Variants in RHOU observed in about 807,000 individuals in gnomAD.
RHOU encodes the protein ras homolog family member U, also known as rho-related GTP-binding protein RhoU.
Under a neutral mutation model 12.6 loss-of-function variants are expected in RHOU, and 8 were observed. The observed-to-expected ratio is 0.64, with a 90% confidence interval of 0.37 to 1.15. The LOEUF is 1.15. Among genes scored for constraint, RHOU ranks in the 50% most tolerant of loss-of-function variants. The pLI, the probability that RHOU is intolerant of heterozygous loss-of-function variation, is 0.01. For missense variants in RHOU, 258 were observed against 347.0 expected, an observed-to-expected ratio of 0.74 and a Z score of 2.04; for synonymous variants, 161 against 147.4, an observed-to-expected ratio of 1.09 and a Z score of -0.67.
the RHOU span, among the ~76,000 whole-genome samples, chr1:228,691,062 T>A: frequency 3.3e-5 from 5 of 151,808 alleles, no homozygotes; most frequent in African/African-American, 1.2e-4. Flanking sequence ...GAAGCTAAAT[T>A]AACTGCGAGG....
chr1:228,647,587 A>G, the RHOU span, among the ~76,000 whole-genome samples: 1 of 152,056 alleles, frequency 6.6e-6, no homozygotes, highest in Non-Finnish European at 1.5e-5. Flanking sequence ...CCCCCGGTTT[A>G]TAAGGTTGCG....
chr1:228,706,636 T>C, the RHOU span, among the ~76,000 whole-genome samples: 1 of 152,256 alleles, frequency 6.6e-6, no homozygotes, highest in Non-Finnish European at 1.5e-5. Flanking sequence ...TAGGCTGAAC[T>C]TAATTTTGCA....
chr1:228,649,894 C>G, the RHOU span, among the ~76,000 whole-genome samples: 1 of 152,156 alleles, frequency 6.6e-6, no homozygotes, highest in African/African-American at 2.4e-5. Context: ...TGTAAAACTC[C>G]TAGAAATCTA....
chr1:228,712,551 A>G, the RHOU span, among the ~76,000 whole-genome samples: 2 of 151,486 alleles, frequency 1.3e-5, no homozygotes, highest in African/African-American at 2.4e-5. Flanking sequence ...TCAGTAAACT[A>G]TCGCAAGAAC....
chr1:228,714,734 A>ATTT, the RHOU span, among the ~76,000 whole-genome samples: 1 of 119,058 alleles, frequency 8.4e-6, no homozygotes, highest in Non-Finnish European at 1.8e-5. Flanking sequence ...TTATTTTGTT[A>ATTT]ATTATCTTTT....
At chr1:228,654,366 C>T in the RHOU span, among the ~76,000 whole-genome samples, 1 of 152,166 alleles carries the variant, frequency 6.6e-6, no homozygotes, top group Non-Finnish European at 1.5e-5. Context: ...CTCAGCCTCC[C>T]AAAGTGTTGG....
chr1:228,712,213 G>T, the RHOU span, among the ~76,000 whole-genome samples: 1 of 151,598 alleles, frequency 6.6e-6, no homozygotes, highest in African/African-American at 2.4e-5. Context: ...CTGTTGGTGG[G>T]ACTGTAAACT....
the RHOU span, among the ~76,000 whole-genome samples, chr1:228,685,632 A>G: frequency 6.6e-6 from 1 of 152,234 alleles, no homozygotes; most frequent in Non-Finnish European, 1.5e-5. Flanking sequence ...TGAGAGTTTT[A>G]GAAGATAACT....
chr1:228,655,817 T>A, the RHOU span, among the ~76,000 whole-genome samples: 1 of 152,234 alleles, frequency 6.6e-6, no homozygotes, highest in East Asian at 1.9e-4. Context: ...GAAGTCACTG[T>A]GTTAAAACCT....
chr1:228,701,797 A>G, the RHOU span, among the ~76,000 whole-genome samples: 1 of 151,642 alleles, frequency 6.6e-6, no homozygotes, highest in African/African-American at 2.4e-5. Flanking sequence ...ATGTATTTGT[A>G]TTCTTTTACA....
the RHOU span, among the ~76,000 whole-genome samples, chr1:228,693,667 C>A: frequency 2.0e-5 from 3 of 152,074 alleles, no homozygotes; most frequent in African/African-American, 7.2e-5. Flanking sequence ...GGGCTTTCAC[C>A]GTATTGGCCA....
At chr1:228,733,758 G>A (rs1662540284), upstream of RHOU, among the ~76,000 whole-genome samples, 1 of 152,192 alleles carries the variant, frequency 6.6e-6, no homozygotes, top group Non-Finnish European at 1.5e-5. Context: ...AGGGTCATAG[G>A]TATGTCAGTG....
the RHOU span, among the ~76,000 whole-genome samples, chr1:228,722,178 G>C: frequency 6.6e-6 from 1 of 152,218 alleles, no homozygotes; most frequent in Non-Finnish European, 1.5e-5. Flanking sequence ...CTAGGTACCT[G>C]TATAGATAAG....
the RHOU span, among the ~76,000 whole-genome samples, chr1:228,719,705 G>A: frequency 3.3e-5 from 5 of 152,020 alleles, no homozygotes; most frequent in Non-Finnish European, 4.4e-5. Context: ...ACTCCAGCCC[G>A]GGCGACAGAA....
the RHOU span, among the ~76,000 whole-genome samples, chr1:228,706,065 A>T: frequency 1.3e-5 from 2 of 152,064 alleles, no homozygotes; most frequent in Non-Finnish European, 2.9e-5. Flanking sequence ...AAAAAAAGAA[A>T]TTTTTTGCTC....
At chr1:228,691,575 C>G in the RHOU span, among the ~76,000 whole-genome samples, 1,170 of 152,256 alleles carry the variant, frequency 7.7e-3, 21 homozygotes, top group African/African-American at 0.027. Flanking sequence ...CTTGTAGAGG[C>G]TCAATAGCTT....
the RHOU span, among the ~76,000 whole-genome samples, chr1:228,662,750 CA>C: frequency 1.6e-3 from 246 of 152,202 alleles, 1 homozygote; most frequent in Middle Eastern, 6.8e-3. Flanking sequence ...CTAATGGATG[CA>C]GCAAACCAAC....
At chr1:228,734,421 C>G (rs910412482), upstream of RHOU, among the ~76,000 whole-genome samples, 12 of 152,138 alleles carry the variant, frequency 7.9e-5, no homozygotes, top group Non-Finnish European at 1.5e-4. Flanking sequence ...TGGGGCTAGA[C>G]TATTTGGGTT....
At chr1:228,666,747 A>G in the RHOU span, among the ~76,000 whole-genome samples, 2 of 152,194 alleles carry the variant, frequency 1.3e-5, no homozygotes, top group Non-Finnish European at 2.9e-5. Flanking sequence ...CTAAAACCAG[A>G]GAAAAAGTAG....
Sources: allele counts gnomAD v4.1 joint callset (sites outside exome capture counted in the v4.1 genomes callset), GRCh38; gene constraint gnomAD v4.1.1; transcripts MANE v1.5; gene names NCBI Gene and HGNC (gene_info 2026-07-23, HGNC 2026-07-21).